Variants in GPC6 observed in about 807,000 individuals in gnomAD.
GPC6 encodes the protein glypican-6.
A neutral mutation model predicts 55.2 loss-of-function variants in GPC6; 14 were observed. That is an observed-to-expected ratio of 0.25 (90% confidence interval 0.17 to 0.40). The LOEUF (loss-of-function observed/expected upper bound fraction) is 0.40. Ranked by LOEUF, GPC6 falls within the 10% of genes least tolerant of loss-of-function variation. The pLI, the probability that GPC6 is intolerant of heterozygous loss-of-function variation, is 1.00. For missense variants in GPC6, 641 were observed against 708.5 expected, an observed-to-expected ratio of 0.90 and a Z score of 1.08; for synonymous variants, 278 against 259.6, an observed-to-expected ratio of 1.07 and a Z score of -0.68.
chr13:93,444,391 G>A (rs1877919166), intron 1 of GPC6, among the ~76,000 whole-genome samples: 1 of 152,034 alleles, frequency 6.6e-6, no homozygotes, highest in Non-Finnish European at 1.5e-5. Context: ...GGTGGATCAC[G>A]AGGTCAGAGG....
chr13:94,054,402 A>G (rs1884060679), intron 4 of GPC6, among the ~76,000 whole-genome samples: 2 of 152,274 alleles, frequency 1.3e-5, no homozygotes, highest in South Asian at 4.1e-4. Flanking sequence ...CTGTTAAACC[A>G]CAAAGCGCTG....
In GPC6 at chr13:93,829,062, C is replaced by T. The variant is rs924556816; in HGVS notation, c.320-1092C>T. 5.3e-5 allele frequency among the ~76,000 whole-genome samples: 8 copies of T among 152,126 alleles called. No individual in the cohort carries two copies. The East Asian group carries it at 1.2e-3, about 22-fold the overall frequency. On this transcript the variant is annotated intron_variant, in intron 2 of 8. Coordinates refer to ENST00000377047, the MANE Select transcript of GPC6 (RefSeq NM_005708.5). ...TGAAATATGCAGGACTTGATTTGTC[C>T]CTGCATTTCTGAGAAGGGGCATAGT...
At chr13:93,983,479 A>C (rs1330513174) in intron 3 of GPC6, among the ~76,000 whole-genome samples, 1 of 151,906 alleles carries the variant, frequency 6.6e-6, no homozygotes, top group African/African-American at 2.4e-5. Context: ...TCTGTTGGTC[A>C]AGCTGGAGTG....
chr13:93,828,085 G>A (rs1206570648), intron 2 of GPC6, among the ~76,000 whole-genome samples: 1 of 151,756 alleles, frequency 6.6e-6, no homozygotes, highest in East Asian at 1.9e-4. Flanking sequence ...ATTGCTGAAG[G>A]CAGTATTCTG....
At chr13:93,964,915 T>C (rs1334029944) in intron 3 of GPC6, among the ~76,000 whole-genome samples, 2 of 152,134 alleles carry the variant, frequency 1.3e-5, no homozygotes, top group Non-Finnish European at 2.9e-5. Flanking sequence ...ATTCTACACA[T>C]TGCAGAAAAT....
chr13:94,050,510 G>T (rs1853678610), intron 4 of GPC6, among the ~76,000 whole-genome samples: 1 of 152,122 alleles, frequency 6.6e-6, no homozygotes, highest in Admixed American at 6.5e-5. Flanking sequence ...GCTTCCAATT[G>T]TTCCACTGTG....
chr13:93,523,387 G>GTA (rs1013194147), intron 1 of GPC6, among the ~76,000 whole-genome samples: 11 of 150,176 alleles, frequency 7.3e-5, no homozygotes, highest in Non-Finnish European at 1.3e-4. Context: ...GTATGTATGT[G>GTA]TATATATATA....
intron 3 of GPC6, among the ~76,000 whole-genome samples, chr13:93,915,095 T>G (rs1260579769): frequency 3.3e-5 from 5 of 152,228 alleles, no homozygotes; most frequent in Non-Finnish European, 7.3e-5. Flanking sequence ...TATATTTTCT[T>G]AGCCTCCCGT....
At chr13:94,156,303 A>G (rs1329453998) in intron 4 of GPC6, among the ~76,000 whole-genome samples, 2 of 152,202 alleles carry the variant, frequency 1.3e-5, no homozygotes. Flanking sequence ...CAGATCCTTC[A>G]GAAAGGTCAT....
chr13:93,250,465 G>C (rs1413731005), intron 1 of GPC6, among the ~76,000 whole-genome samples: 1 of 152,150 alleles, frequency 6.6e-6, no homozygotes, highest in Non-Finnish European at 1.5e-5. Flanking sequence ...CCTCACATTG[G>C]CCTTTCTGGG....
At chr13:93,950,458 C>A (rs1449318966) in intron 3 of GPC6, among the ~76,000 whole-genome samples, 1 of 151,912 alleles carries the variant, frequency 6.6e-6, no homozygotes, top group East Asian at 1.9e-4. Context: ...TAAAGGATAC[C>A]TTTTTAAGAA....
intron 2 of GPC6, among the ~76,000 whole-genome samples, chr13:93,804,909 CT>C (rs1886496453): frequency 6.6e-6 from 1 of 152,170 alleles, no homozygotes; most frequent in African/African-American, 2.4e-5. Context: ...TCTCTCCATC[CT>C]AGCAGAGCTG....
chr13:93,895,234 G>GTGTGTGTGTGTGTACATA (rs1196315147), intron 3 of GPC6, among the ~76,000 whole-genome samples: 1 of 108,208 alleles, frequency 9.2e-6, no homozygotes, highest in African/African-American at 3.7e-5. Flanking sequence ...GTGTGTGTGT[G>GTGTGTGTGTGTGTACATA]TATATATATA....
intron 2 of GPC6, among the ~76,000 whole-genome samples, chr13:93,714,781 G>T (rs574297278): frequency 6.6e-6 from 1 of 151,650 alleles, no homozygotes; most frequent in South Asian, 2.1e-4. Flanking sequence ...ATGCTGGGAG[G>T]GTCTTAGGTC....
In GPC6 at chr13:93,871,211, C is replaced by T. The variant is rs567517909; in HGVS notation, c.711+40666C>T. ...TCTGACTTTGTCACTTACAATTTGT[C>T]TGAACTTTGGCAAGTTATTTAAATA... On this transcript the variant is annotated intron_variant, in intron 3 of 8. Coordinates refer to ENST00000377047, the MANE Select transcript of GPC6 (RefSeq NM_005708.5). Among the ~76,000 whole-genome samples, 33 of 152,028 alleles carry T rather than the reference C, an allele frequency of 2.2e-4. 1 individual carries two copies. Among genetic ancestry groups the T allele is most frequent in the African/African-American group, 7.9e-4 (33 of 41,538 alleles).
chr13:93,663,519 C>T (rs1265739373), intron 2 of GPC6, among the ~76,000 whole-genome samples: 1 of 152,084 alleles, frequency 6.6e-6, no homozygotes, highest in East Asian at 1.9e-4. Context: ...GATATATCTG[C>T]CTCTAAGACA....
At position 93,531,384 on chromosome 13, in the gene GPC6, A is replaced by T. The variant is rs146341411; in HGVS notation, c.161-13879A>T. Among the ~76,000 whole-genome samples the T allele has an allele frequency of 5.3e-5, 8 of 152,250 alleles. No individual in the cohort carries two copies. In the East Asian group the frequency reaches 1.5e-3, roughly 29 times the overall value. ...GGCAAGTCTGAAATCTGCAGGGCAGACTGGCAGACTCAAACCTTATGCAAG... is the reference window on the plus strand; with the variant it reads ...GGCAAGTCTGAAATCTGCAGGGCAGTCTGGCAGACTCAAACCTTATGCAAG... On this transcript the variant is annotated intron_variant, in intron 1 of 8. Coordinates refer to ENST00000377047, the MANE Select transcript of GPC6 (RefSeq NM_005708.5).
chr13:94,179,576 TA>T (rs571890832), intron 4 of GPC6, among the ~76,000 whole-genome samples: 10 of 151,098 alleles, frequency 6.6e-5, no homozygotes, highest in Admixed American at 5.3e-4. Flanking sequence ...CTCCAAAAGT[TA>T]AAAAAAAATA....
intron 1 of GPC6, among the ~76,000 whole-genome samples, chr13:93,521,550 T>G (rs1455681325): frequency 2.0e-5 from 3 of 152,008 alleles, no homozygotes; most frequent in African/African-American, 7.2e-5. Context: ...TTATCACTTT[T>G]ACTTTGAACT....
Sources: allele counts gnomAD v4.1 joint callset (sites outside exome capture counted in the v4.1 genomes callset), GRCh38; gene constraint gnomAD v4.1.1; transcripts MANE v1.5; gene names NCBI Gene and HGNC (gene_info 2026-07-23, HGNC 2026-07-21).